Variants in IPP observed in about 807,000 individuals in gnomAD.
The protein encoded by IPP is actin-binding protein IPP.
A neutral mutation model predicts 64.1 loss-of-function variants in IPP; 41 were observed. That is an observed-to-expected ratio of 0.64 (90% CI 0.50 to 0.83). IPP has a LOEUF of 0.83. Ranked by LOEUF, IPP falls within the 40% of genes least tolerant of loss-of-function variation. The pLI is 0.00. For missense variants in IPP, 649 were observed against 703.0 expected, an observed-to-expected ratio of 0.92 and a Z score of 0.87; for synonymous variants, 214 against 235.2, an observed-to-expected ratio of 0.91 and a Z score of 0.83.
intron 5 of IPP, among the ~76,000 whole-genome samples, chr1:45,726,229 C>T (rs187212576): frequency 1.3e-5 from 2 of 149,192 alleles, no homozygotes; most frequent in Non-Finnish European, 3.0e-5. Flanking sequence ...GAGGCTGAGG[C>T]GGATGGATCA....
intron 3 of IPP, among the ~76,000 whole-genome samples, chr1:45,736,670 A>G (rs1645985210): frequency 6.6e-6 from 1 of 152,128 alleles, no homozygotes; most frequent in African/African-American, 2.4e-5. Context: ...ACTACTGGGC[A>G]TGCTTAAAAA....
chr1:45,707,422 C>CAA (rs66578618), intron 8 of IPP, among the ~76,000 whole-genome samples: 19,526 of 73,440 alleles, frequency 0.27, 2,461 homozygotes, highest in Middle Eastern at 0.29. Context: ...GACTCCATAT[C>CAA]AAAAAAAAAA....
intron 7 of IPP, among the ~76,000 whole-genome samples, chr1:45,715,877 A>G (rs1290797931): frequency 6.6e-6 from 1 of 152,202 alleles, no homozygotes; most frequent in Admixed American, 6.5e-5. Flanking sequence ...AGGAGACAAT[A>G]TCATATTAAA....
intron 5 of IPP, among the ~76,000 whole-genome samples, chr1:45,725,710 A>G (rs1645815194): frequency 2.9e-5 from 4 of 139,778 alleles, no homozygotes; most frequent in South Asian, 2.5e-4. Flanking sequence ...GGATAGAAGT[A>G]GACATGGGAG....
intron 8 of IPP, among the ~76,000 whole-genome samples, chr1:45,712,188 C>T (rs532794109): frequency 2.6e-5 from 4 of 151,204 alleles, no homozygotes; most frequent in Non-Finnish European, 4.4e-5. Context: ...CATGGTGGCG[C>T]GTGCCTGTAA....
chr1:45,725,497 C>G (rs1374910495), intron 5 of IPP, among the ~76,000 whole-genome samples: 3 of 140,158 alleles, frequency 2.1e-5, no homozygotes, highest in Admixed American at 7.0e-5. Flanking sequence ...GCCAGCCGCC[C>G]CATCCGGGAG....
chr1:45,714,738 C>T (rs1053909111), intron 7 of IPP, among the ~76,000 whole-genome samples: 4 of 152,068 alleles, frequency 2.6e-5, no homozygotes, highest in African/African-American at 7.2e-5. Context: ...TAATTGTCTG[C>T]TTGGTGATCT....
intron 3 of IPP, among the ~76,000 whole-genome samples, chr1:45,733,656 AC>A (rs1645939806): frequency 6.6e-6 from 1 of 151,680 alleles, no homozygotes; most frequent in African/African-American, 2.4e-5. Flanking sequence ...ATATGGCGAA[AC>A]CCCGTCTCTA....
At chr1:45,730,233 T>C (rs915980615) in intron 3 of IPP, among the ~76,000 whole-genome samples, 1 of 152,110 alleles carries the variant, frequency 6.6e-6, no homozygotes, top group African/African-American at 2.4e-5. Context: ...ATGCCTATAG[T>C]TCCAGCTACT....
chr1:45,696,222 G>C (rs947594963), downstream of IPP, among the ~76,000 whole-genome samples: 1 of 152,142 alleles, frequency 6.6e-6, no homozygotes, highest in Non-Finnish European at 1.5e-5. Flanking sequence ...TAAGAAAACT[G>C]ATTTTTAAGT....
intron 8 of IPP, among the ~76,000 whole-genome samples, chr1:45,705,170 C>T (rs1278412201): frequency 6.6e-6 from 1 of 152,162 alleles, no homozygotes; most frequent in Non-Finnish European, 1.5e-5. Flanking sequence ...TGGGCTAAGC[C>T]CAATTTGGGG....
chr1:45,749,830 G>C (rs954150719), intron 1 of IPP, among the ~76,000 whole-genome samples: 1 of 152,088 alleles, frequency 6.6e-6, no homozygotes, highest in African/African-American at 2.4e-5. Flanking sequence ...AGGGAGGATC[G>C]CTTGAGTCCT....
intron 5 of IPP, among the ~76,000 whole-genome samples, chr1:45,722,126 T>C (rs895603253): frequency 2.6e-5 from 4 of 152,048 alleles, no homozygotes; most frequent in African/African-American, 4.8e-5. Flanking sequence ...TGGTGGTCTA[T>C]GCCTGTAATC....
chr1:45,717,243 A>AC (rs896769175), intron 6 of IPP, among the ~76,000 whole-genome samples: 6 of 142,394 alleles, frequency 4.2e-5, no homozygotes, highest in African/African-American at 1.6e-4. Context: ...AAAAAAAAAA[A>AC]AGGAATTCAA....
chr1:45,724,598 C>A (rs184182741), intron 5 of IPP, among the ~76,000 whole-genome samples: 2 of 142,590 alleles, frequency 1.4e-5, no homozygotes, highest in African/African-American at 5.1e-5. Flanking sequence ...GGCCGCCCAT[C>A]GTCTGAGATG....
chr1:45,715,976 G>A lies in IPP; in HGVS notation c.1309+919C>T, dbSNP rs72885354. 5.1e-3 allele frequency among the ~76,000 whole-genome samples: 773 copies of A among 152,316 alleles called. 7 individuals are homozygous for A. The highest frequency in any genetic ancestry group is 0.018 in the African/African-American group (728 of 41,568). On this transcript the variant is annotated intron_variant, in intron 7 of 8. Transcript: ENST00000396478. ...AGAAAGAACTTTAGCAGGTTAGGCT[G>A]TCATACAACAATGGGAAAGTTGCTT... is the stretch of plus-strand genomic sequence containing the variant.
chr1:45,701,728 A>T (rs980021883), intron 8 of IPP, among the ~76,000 whole-genome samples: 1 of 152,236 alleles, frequency 6.6e-6, no homozygotes, highest in African/African-American at 2.4e-5. Flanking sequence ...AATAAAGCAT[A>T]TGATGAACAA....
intron 3 of IPP, 78 bp downstream of exon 3, chr1:45,740,823 G>A: frequency 1.1e-6 from 1 of 939,606 alleles, no homozygotes; most frequent in Non-Finnish European, 1.6e-6. Context: ...ACCAAAAAAT[G>A]AAAACACTCT....
chr1:45,722,563 A>ATAAAAG (rs890583339), intron 5 of IPP, among the ~76,000 whole-genome samples: 3 of 152,044 alleles, frequency 2.0e-5, no homozygotes, highest in Non-Finnish European at 4.4e-5. Flanking sequence ...AAAAAATGAA[A>ATAAAAG]TAAAAATAAA....
Sources: allele counts gnomAD v4.1 joint callset (sites outside exome capture counted in the v4.1 genomes callset), GRCh38; gene constraint gnomAD v4.1.1; transcripts MANE v1.5; gene names NCBI Gene and HGNC (gene_info 2026-07-23, HGNC 2026-07-21).